RNF32: variants seen among roughly 807,000 people sequenced by gnomAD.
RNF32 encodes ring finger protein 32.
A neutral mutation model predicts 41.0 loss-of-function variants in RNF32; 36 were observed. That is an observed-to-expected ratio of 0.88 (90% CI 0.67 to 1.16). The LOEUF is 1.16. Among genes scored for constraint, RNF32 ranks in the 50% most tolerant of loss-of-function variants. The probability of loss-of-function intolerance (pLI) is 0.00; values close to 1 mark genes in which losing one functional copy is unlikely to be tolerated. For synonymous variants in RNF32, 154 were observed against 160.9 expected (o/e 0.96, Z 0.32); for missense variants, 413 against 436.7 (o/e 0.95, Z 0.48).
Position 156,663,061 on chromosome 7 carries a change from C to A in RNF32, c.684+4491C>A, listed in dbSNP as rs146407101. Among the ~76,000 whole-genome samples, 1,395 of 152,136 alleles carry A rather than the reference C, an allele frequency of 9.2e-3. 54 individuals carry two copies. The East Asian group carries it at 0.093, about 10-fold the overall frequency. On this transcript the variant is annotated intron_variant, in intron 7 of 8. Transcript: ENST00000317955. ...ATGTTAGCCAGGATGGTCTCGATCT[C>A]CTGATCTCGTGATCCACCAGCCTCG...
intron 1 of RNF32, 156 bp from the exon 2 acceptor site, chr7:156,643,645 C>A (rs1044753649): frequency 2.5e-5 from 14 of 568,142 alleles, no homozygotes; most frequent in Admixed American, 1.4e-4. Context: ...GAGTTCACCC[C>A]CTTCCTCCAG....
intron 7 of RNF32, chr7:156,660,189 C>T: frequency 1.0e-6 from 1 of 985,680 alleles, no homozygotes; most frequent in Non-Finnish European, 1.2e-6. Flanking sequence ...CATGTCCTGC[C>T]CGTTCCTACT....
chr7:156,665,090 A>G (rs116207686), intron 7 of RNF32, among the ~76,000 whole-genome samples: 1 of 152,322 alleles, frequency 6.6e-6, no homozygotes, highest in African/African-American at 2.4e-5. Flanking sequence ...TTTGTCCTTT[A>G]TATTTCCAAA....
chr7:156,650,789 C>T (rs1300749479), intron 3 of RNF32, among the ~76,000 whole-genome samples: 3 of 152,358 alleles, frequency 2.0e-5, no homozygotes, highest in South Asian at 2.1e-4. Flanking sequence ...CCTGAGGCAG[C>T]GCCCCTCCTC....
Position 156,670,353 on chromosome 7 carries a change from G to A in RNF32, c.685-5343G>A, listed in dbSNP as rs1268126197. 1.3e-5 allele frequency among the ~76,000 whole-genome samples: 2 copies of A among 152,204 alleles called. No homozygotes were observed. The highest frequency in any genetic ancestry group is 4.8e-5 in the African/African-American group (2 of 41,446). ...GAGTCAGGTCTGCAAGGGGGGCCCT[G>A]CGTTTTGCATCCCCTGGAAAGCGGG... On this transcript the variant is annotated intron_variant, in intron 7 of 8. Transcript: ENST00000317955. This position sits in a 1 kb window ranked among gnomAD's most constrained non-coding sequence, Gnocchi z 4.3.
chr7:156,664,356 G>A (rs966772921), intron 7 of RNF32, among the ~76,000 whole-genome samples: 1 of 152,184 alleles, frequency 6.6e-6, no homozygotes, highest in South Asian at 2.1e-4. Flanking sequence ...AGCTACTCAG[G>A]AGGCTGAGGC....
intron 7 of RNF32, among the ~76,000 whole-genome samples, chr7:156,663,238 TA>T (rs1472850127): frequency 6.6e-6 from 1 of 152,102 alleles, no homozygotes; most frequent in Non-Finnish European, 1.5e-5. Flanking sequence ...TTTTAGAGAG[TA>T]AAAAACCATA....
chr7:156,664,781 C>T (rs1478987168), intron 7 of RNF32, among the ~76,000 whole-genome samples: 1 of 152,118 alleles, frequency 6.6e-6, no homozygotes, highest in East Asian at 1.9e-4. Context: ...CTCTTTTCAT[C>T]TAGCATAATA....
intron 7 of RNF32, among the ~76,000 whole-genome samples, chr7:156,673,670 G>A (rs2131706495): frequency 6.6e-6 from 1 of 152,248 alleles, no homozygotes; most frequent in East Asian, 1.9e-4. Flanking sequence ...TGCCTGCTGT[G>A]TTCACAGAAT....
rs761089402 is a variant in RNF32 at position 156,644,553 on chromosome 7, C to T, written c.70C>T (p.His24Tyr). Residue 24 changes from histidine (H) to tyrosine (Y), a missense_variant, in exon 3 of 9, where the codon CAC becomes TAC. Coordinates refer to ENST00000317955, the MANE Select transcript of RNF32 (RefSeq NM_030936.4). Reference protein sequence around the residue: ...LAVNAVALQDHILHDLQLRNL... With the variant: ...LAVNAVALQDYILHDLQLRNL... ...AGTCAATGCAGTTGCTTTACAAGAT[C>T]ACATTTTACATGATCTTCAACTTCG... 1.9e-6 allele frequency: 3 copies of T among 1,612,106 alleles called. No individual in the cohort carries two copies. The highest frequency in any genetic ancestry group is 2.5e-6 in the Non-Finnish European group (3 of 1,178,980).
In RNF32 at chr7:156,654,636, A is replaced by T. The variant is rs1799319876; in HGVS notation, c.335A>T (p.Lys112Met). The change falls in exon 4 of 9, where the codon AAG becomes ATG. Residue 112 changes from lysine to methionine, a missense_variant. Physicochemically the swap from Lys to Met is moderately conservative, Grantham distance 95. Coordinates refer to ENST00000317955, the MANE Select transcript of RNF32 (RefSeq NM_030936.4). ...CCACTGTCATCAGATGAATGGGAGA[A>T]GGTGAAACAGCGCTCTCTCCTGCAA... is the stretch of plus-strand genomic sequence containing the variant. ...PPPLSSDEWE[K>M]VKQRSLLQGD... is the part of the protein sequence containing the mutation. 2.5e-6 allele frequency: 4 copies of T among 1,613,944 alleles called. No individual in the cohort carries two copies. The highest frequency in any genetic ancestry group is 3.4e-6 in the Non-Finnish European group (4 of 1,179,874).
At chr7:156,675,206 A>G (rs1803574010) in intron 7 of RNF32, among the ~76,000 whole-genome samples, 1 of 152,230 alleles carries the variant, frequency 6.6e-6, no homozygotes, top group Non-Finnish European at 1.5e-5. Flanking sequence ...TTGGATGAGG[A>G]CACAGAGGTC....
intron 7 of RNF32, among the ~76,000 whole-genome samples, chr7:156,667,543 A>C (rs1213330389): frequency 1.3e-5 from 2 of 152,170 alleles, no homozygotes; most frequent in Non-Finnish European, 2.9e-5. Flanking sequence ...AATATCAACC[A>C]CTTGTTTAAA....
At position 156,675,765 on chromosome 7, in the gene RNF32, G is replaced by T. The variant is rs199618037; in HGVS notation, c.754G>T (p.Asp252Tyr). 2 of 1,613,924 alleles carry T rather than the reference G, an allele frequency of 1.2e-6. No individual in the cohort carries two copies. The highest frequency in any genetic ancestry group is 1.7e-5 in the Admixed American group (1 of 59,998). ...CATTGAAGAGCTCTTTGCAGAAATCGATCAGTGCTTGGCCATAAATCGAAG... is the reference window on the plus strand; with the variant it reads ...CATTGAAGAGCTCTTTGCAGAAATCTATCAGTGCTTGGCCATAAATCGAAG... ...TNIEELFAEI[D>Y]QCLAINRSVL... is the part of the protein sequence containing the mutation. Residue 252 changes from aspartate to tyrosine, a missense_variant, in exon 8 of 9, where the codon GAT becomes TAT. By Grantham distance (160) the Asp-to-Tyr change is radical. Transcript: ENST00000317955.
intron 7 of RNF32, among the ~76,000 whole-genome samples, chr7:156,661,052 C>T (rs899744599): frequency 3.3e-5 from 5 of 152,186 alleles, no homozygotes; most frequent in Non-Finnish European, 5.9e-5. Flanking sequence ...GAGGATGCTG[C>T]GCAGCAAGAC....
intron 3 of RNF32, among the ~76,000 whole-genome samples, chr7:156,648,371 C>A (rs1406497099): frequency 6.6e-6 from 1 of 152,156 alleles, no homozygotes; most frequent in East Asian, 1.9e-4. Flanking sequence ...TTCTAGAAAA[C>A]AGCATGGCTC....
At chr7:156,672,786 C>T (rs1802839703) in intron 7 of RNF32, among the ~76,000 whole-genome samples, 1 of 152,218 alleles carries the variant, frequency 6.6e-6, no homozygotes, top group South Asian at 2.1e-4. Context: ...CTTCTGAAAG[C>T]GCACGCACAG....
intron 7 of RNF32, among the ~76,000 whole-genome samples, chr7:156,663,114 G>A (rs964269341): frequency 7.2e-5 from 11 of 152,098 alleles, no homozygotes; most frequent in Non-Finnish European, 1.5e-4. Context: ...GATTACAGGC[G>A]TGAGCCACTG....
chr7:156,666,750 T>A (rs565885536), intron 7 of RNF32, among the ~76,000 whole-genome samples: 4 of 152,184 alleles, frequency 2.6e-5, no homozygotes, highest in Non-Finnish European at 5.9e-5. Context: ...CTAGCACCGG[T>A]GTGTACAGAA....
Sources: gnomAD v4.1 joint callset for allele counts (sites outside exome capture counted in the v4.1 genomes callset) on GRCh38, gnomAD v4.1.1 for gene constraint, Gnocchi (gnomAD v3.1) non-coding constraint, MANE v1.5 for transcripts, NCBI Gene and HGNC (gene_info 2026-07-23, HGNC 2026-07-21) for gene names.